KLHL29: variants seen among roughly 807,000 people sequenced by gnomAD.
KLHL29 encodes kelch-like protein 29.
A neutral mutation model predicts 80.4 loss-of-function variants in KLHL29; 21 were observed. That is an observed-to-expected ratio of 0.26 (90% CI 0.19 to 0.38). The LOEUF (loss-of-function observed/expected upper bound fraction) is 0.38, where lower values mean the gene tolerates loss of function less well. Ranked by LOEUF, KLHL29 falls within the 10% of genes least tolerant of loss-of-function variation. KLHL29 has a pLI of 1.00. For synonymous variants in KLHL29, 511 were observed against 526.8 expected (o/e 0.97, Z 0.41); for missense variants, 867 against 1,223.9 (o/e 0.71, Z 4.35).
At chr2:23,496,209 A>G (rs1414902093) in intron 2 of KLHL29, among the ~76,000 whole-genome samples, 1 of 152,244 alleles carries the variant, frequency 6.6e-6, no homozygotes, top group Non-Finnish European at 1.5e-5. Flanking sequence ...AACTGATCTT[A>G]GAAATTTGGT....
At position 23,639,206 on chromosome 2, in the gene KLHL29, C is replaced by T. The variant is rs747389353; in HGVS notation, c.353C>T (p.Thr118Met). 40 of 1,547,418 alleles carry T rather than the reference C, an allele frequency of 2.6e-5. No individual in the cohort carries two copies. Among genetic ancestry groups the T allele is most frequent in the African/African-American group, 1.4e-4 (10 of 72,814 alleles). The change falls in exon 4 of 14, where the codon ACG becomes ATG. Residue 118 changes from threonine (T) to methionine (M), a missense_variant. Transcript: ENST00000486442. ...GLATSIRWGQ[T>M]PINQSTPWDT... Reference sequence around the variant, plus strand: ...GCGACCAGCATCCGGTGGGGGCAGACGCCTATCAATCAGTCCACACCCTGG... The same window carrying T: ...GCGACCAGCATCCGGTGGGGGCAGATGCCTATCAATCAGTCCACACCCTGG...
intron 2 of KLHL29, among the ~76,000 whole-genome samples, chr2:23,500,158 G>T (rs1217964905): frequency 1.3e-5 from 2 of 152,180 alleles, no homozygotes; most frequent in African/African-American, 2.4e-5. Context: ...GGAACAGCAG[G>T]ATATTCAGAC....
intron 3 of KLHL29, among the ~76,000 whole-genome samples, chr2:23,621,579 C>G (rs1005124895): frequency 6.6e-6 from 1 of 151,926 alleles, no homozygotes; most frequent in African/African-American, 2.4e-5. Context: ...GGAGTACGCT[C>G]AAGCCCTGGT....
chr2:23,610,049 A>G (rs977427073), intron 3 of KLHL29, among the ~76,000 whole-genome samples: 1 of 152,192 alleles, frequency 6.6e-6, no homozygotes, highest in Non-Finnish European at 1.5e-5. Flanking sequence ...ACAGTCCCTC[A>G]GGGATCACAT....
intron 2 of KLHL29, among the ~76,000 whole-genome samples, chr2:23,557,484 C>T (rs1305419640): frequency 6.6e-6 from 1 of 151,954 alleles, no homozygotes; most frequent in African/African-American, 2.4e-5. Flanking sequence ...GAGTCTCCAT[C>T]TCCTGCCTGG....
Position 23,439,261 on chromosome 2 carries a change from G to A in KLHL29, c.-153-36299G>A, listed in dbSNP as rs530993162. On this transcript the variant is annotated intron_variant, in intron 1 of 13. Coordinates refer to ENST00000486442, the MANE Select transcript of KLHL29 (RefSeq NM_052920.2). The stretch of plus-strand genomic sequence containing the variant: ...TTTTGTTGATCGTTTCAAAAAACCA[G>A]CTCCTGGGTTCATTAATTTTTTGAA... 6.6e-5 allele frequency among the ~76,000 whole-genome samples: 10 copies of A among 152,100 alleles called. 1 individual carries two copies. In the East Asian group the frequency reaches 1.9e-3, roughly 29 times the overall value.
intron 2 of KLHL29, among the ~76,000 whole-genome samples, chr2:23,502,387 G>A (rs1185630222): frequency 6.6e-6 from 1 of 152,212 alleles, no homozygotes; most frequent in African/African-American, 2.4e-5. Flanking sequence ...CGTGCAGCTC[G>A]GAGGCTCACT....
intron 1 of KLHL29, among the ~76,000 whole-genome samples, chr2:23,433,301 T>C (rs1208129709): frequency 3.9e-5 from 6 of 152,200 alleles, no homozygotes; most frequent in Admixed American, 2.0e-4. Context: ...GCACCTGAAT[T>C]ATGGTGGCTA....
At chr2:23,397,074 A>G (rs1207129367) in intron 1 of KLHL29, among the ~76,000 whole-genome samples, 1 of 152,070 alleles carries the variant, frequency 6.6e-6, no homozygotes, top group East Asian at 1.9e-4. Flanking sequence ...GGGGGAAGGT[A>G]GGGGAGGATT....
At chr2:23,403,773 A>C (rs1463199782) in intron 1 of KLHL29, among the ~76,000 whole-genome samples, 1 of 149,024 alleles carries the variant, frequency 6.7e-6, no homozygotes, top group Non-Finnish European at 1.5e-5. Context: ...GTGCAGGCGC[A>C]AAAGACAGGG....
intron 1 of KLHL29, among the ~76,000 whole-genome samples, chr2:23,422,983 GAA>G (rs1662866356): frequency 6.6e-6 from 1 of 152,368 alleles, no homozygotes; most frequent in South Asian, 2.1e-4. Flanking sequence ...CTATTGCTTA[GAA>G]AATGCAAACT....
intron 1 of KLHL29, among the ~76,000 whole-genome samples, chr2:23,459,242 G>A (rs924033481): frequency 6.6e-6 from 1 of 152,208 alleles, no homozygotes; most frequent in African/African-American, 2.4e-5. Context: ...GTTTGGGTGA[G>A]AGGAAGAGGC....
chr2:23,595,307 A>G (rs1055857415), intron 3 of KLHL29, among the ~76,000 whole-genome samples: 2 of 152,212 alleles, frequency 1.3e-5, no homozygotes, highest in African/African-American at 4.8e-5. Flanking sequence ...TTCTCCCACA[A>G]AACCCTACCA....
At chr2:23,545,721 T>A (rs1666964037) in intron 2 of KLHL29, among the ~76,000 whole-genome samples, 1 of 152,198 alleles carries the variant, frequency 6.6e-6, no homozygotes, top group South Asian at 2.1e-4. Flanking sequence ...ATTTCCTTTG[T>A]AGCCAGGGAG....
intron 2 of KLHL29, among the ~76,000 whole-genome samples, chr2:23,515,729 C>T (rs933233322): frequency 6.6e-6 from 1 of 152,198 alleles, no homozygotes; most frequent in Non-Finnish European, 1.5e-5. Context: ...GTGCAGAGAG[C>T]ACCAAATTGT....
At chr2:23,575,131 C>T (rs550312806) in intron 3 of KLHL29, among the ~76,000 whole-genome samples, 3 of 152,292 alleles carry the variant, frequency 2.0e-5, no homozygotes, top group Admixed American at 1.3e-4. Flanking sequence ...CCTGGCCGGC[C>T]GCAAGTTTAC....
At chr2:23,597,349 G>GTATA (rs1424878411) in intron 3 of KLHL29, among the ~76,000 whole-genome samples, 1 of 113,176 alleles carries the variant, frequency 8.8e-6, no homozygotes, top group South Asian at 3.0e-4. Flanking sequence ...GTGTGTGTAT[G>GTATA]TATATGTGTA....
intron 5 of KLHL29, among the ~76,000 whole-genome samples, chr2:23,649,830 C>T (rs2149163036): frequency 6.6e-6 from 1 of 152,358 alleles, no homozygotes; most frequent in East Asian, 1.9e-4. Flanking sequence ...GCCCTGATCC[C>T]AGCCGCTGTC....
At chr2:23,618,884 G>A (rs908076914) in intron 3 of KLHL29, among the ~76,000 whole-genome samples, 1 of 152,160 alleles carries the variant, frequency 6.6e-6, no homozygotes, top group African/African-American at 2.4e-5. Context: ...TATTTGGAAG[G>A]AAGCCAGAGA....
Sources: allele counts gnomAD v4.1 joint callset (sites outside exome capture counted in the v4.1 genomes callset), GRCh38; gene constraint gnomAD v4.1.1; transcripts MANE v1.5; gene names NCBI Gene and HGNC (gene_info 2026-07-23, HGNC 2026-07-21).